SYT1: variants seen among roughly 807,000 people sequenced by gnomAD.
The protein encoded by SYT1 is synaptotagmin-1.
SYT1 carries 8 observed loss-of-function variants against 44.8 expected under a neutral mutation model. The ratio of observed to expected loss-of-function variants is 0.18; its 90% confidence interval spans 0.10 to 0.32. The LOEUF (loss-of-function observed/expected upper bound fraction) is 0.32, where lower values mean the gene tolerates loss of function less well. SYT1 is among the 10% of genes least tolerant of loss of function. SYT1 has a pLI of 1.00. For synonymous variants in SYT1, 154 were observed against 188.8 expected (o/e 0.82, Z 1.51); for missense variants, 286 against 509.3 (o/e 0.56, Z 4.22).
In SYT1 at chr12:79,292,085, G is replaced by T. The variant is rs1271564871; in HGVS notation, c.429G>T (p.Leu143=). The change falls in exon 6 of 11, where the codon CTG becomes CTT. Residue 143 remains leucine, a synonymous_variant. Coordinates refer to ENST00000261205, the MANE Select transcript of SYT1 (RefSeq NM_005639.3). ...AAGAACCCAAAGAAGAGGAGAAACTGGGAAAACTTCAGTATTCACTGGATT... is the reference window on the plus strand; with the variant it reads ...AAGAACCCAAAGAAGAGGAGAAACTTGGAAAACTTCAGTATTCACTGGATT... ...EKEEPKEEEK[L]GKLQYSLDYD... 6.2e-7 allele frequency: 1 copy of T among 1,614,026 alleles called. No homozygotes were observed. The highest frequency in any genetic ancestry group is 1.7e-5 in the Admixed American group (1 of 59,996).
At chr12:78,941,383 T>A (rs554328139) in intron 1 of SYT1, among the ~76,000 whole-genome samples, 1 of 145,802 alleles carries the variant, frequency 6.9e-6, no homozygotes, top group East Asian at 2.1e-4. Context: ...AGAACATTTC[T>A]TAATAGAATC....
intron 4 of SYT1, among the ~76,000 whole-genome samples, chr12:79,225,103 T>G (rs1875438566): frequency 6.6e-6 from 1 of 151,152 alleles, no homozygotes; most frequent in Non-Finnish European, 1.5e-5. Context: ...TTTTAAAAGA[T>G]TATTCTTGCT....
At chr12:79,061,347 C>G (rs1875369538) in intron 3 of SYT1, among the ~76,000 whole-genome samples, 1 of 152,094 alleles carries the variant, frequency 6.6e-6, no homozygotes, top group Non-Finnish European at 1.5e-5. Flanking sequence ...CTATAATACA[C>G]AGCATTATCC....
chr12:78,927,749 G>C (rs1195413811), intron 1 of SYT1, among the ~76,000 whole-genome samples: 1 of 152,132 alleles, frequency 6.6e-6, no homozygotes, highest in Admixed American at 6.6e-5. Flanking sequence ...GGCTTCCGTT[G>C]CTACAGTTGC....
chr12:79,340,264 A>G (rs1882302217), intron 8 of SYT1, among the ~76,000 whole-genome samples: 1 of 152,166 alleles, frequency 6.6e-6, no homozygotes, highest in South Asian at 2.1e-4. Flanking sequence ...CTTGGGCAGT[A>G]TGGCCATTTT....
intron 1 of SYT1, among the ~76,000 whole-genome samples, chr12:78,965,057 G>A (rs972762565): frequency 1.3e-5 from 2 of 151,670 alleles, no homozygotes; most frequent in African/African-American, 4.8e-5. Context: ...ATAAAAATAG[G>A]CCCAATCTGA....
intron 8 of SYT1, chr12:79,341,086 C>T (rs978238685): frequency 6.6e-6 from 1 of 152,186 alleles, no homozygotes; most frequent in East Asian, 1.9e-4. Context: ...TTCTTTGTAG[C>T]ATGACTGGCA....
At chr12:79,379,576 G>A (rs1205030640) in intron 9 of SYT1, among the ~76,000 whole-genome samples, 3 of 152,136 alleles carry the variant, frequency 2.0e-5, no homozygotes, top group African/African-American at 7.2e-5. Context: ...ATTTGCTTCA[G>A]ATCTTTATTT....
intron 3 of SYT1, among the ~76,000 whole-genome samples, chr12:79,156,058 A>G (rs1341854845): frequency 2.0e-5 from 3 of 152,220 alleles, no homozygotes; most frequent in African/African-American, 4.8e-5. Flanking sequence ...TTGTATATCT[A>G]TCAAGTACCG....
intron 9 of SYT1, 27 bp from the exon 10 acceptor site, chr12:79,444,046 A>G: frequency 1.2e-6 from 2 of 1,610,938 alleles, no homozygotes; most frequent in Non-Finnish European, 1.7e-6. Context: ...CTGATCTCCT[A>G]AAGTTTGTTT....
At chr12:79,259,897 C>CA (rs1168150572) in intron 4 of SYT1, among the ~76,000 whole-genome samples, 1 of 152,094 alleles carries the variant, frequency 6.6e-6, no homozygotes, top group African/African-American at 2.4e-5. Flanking sequence ...GTATGATTGG[C>CA]AAAAAGATTT....
intron 4 of SYT1, among the ~76,000 whole-genome samples, chr12:79,259,848 C>A (rs1877732102): frequency 1.3e-5 from 2 of 152,204 alleles, no homozygotes; most frequent in Non-Finnish European, 2.9e-5. Context: ...ATTATTTTTT[C>A]TATAAGTATC....
intron 1 of SYT1, among the ~76,000 whole-genome samples, chr12:78,960,865 C>G (rs1879464482): frequency 6.6e-6 from 1 of 152,086 alleles, no homozygotes; most frequent in Non-Finnish European, 1.5e-5. Context: ...GCCCAGTGGT[C>G]TGTGTTCACA....
intron 2 of SYT1, among the ~76,000 whole-genome samples, chr12:78,986,703 CATCT>C (rs1167659308): frequency 6.6e-6 from 1 of 151,788 alleles, no homozygotes; most frequent in African/African-American, 2.4e-5. Context: ...GAATATAAAT[CATCT>C]ATTTATTTGA....
chr12:78,872,254 T>G (rs1259148413), intron 1 of SYT1, among the ~76,000 whole-genome samples: 1 of 151,836 alleles, frequency 6.6e-6, no homozygotes, highest in Non-Finnish European at 1.5e-5. Context: ...TCCAACGACT[T>G]GTTTTTTTTC....
chr12:79,088,849 A>G (rs1877580012), intron 3 of SYT1, among the ~76,000 whole-genome samples: 1 of 151,756 alleles, frequency 6.6e-6, no homozygotes, highest in South Asian at 2.1e-4. Context: ...TTTACTAGGC[A>G]GAATTCACTA....
At chr12:78,886,578 A>G (rs781738504) in intron 1 of SYT1, among the ~76,000 whole-genome samples, 71 of 152,014 alleles carry the variant, frequency 4.7e-4, no homozygotes, top group Non-Finnish European at 5.1e-4. Context: ...TATGCCTGTG[A>G]TGATCTATAT....
chr12:79,360,263 A>G (rs1345535792), intron 9 of SYT1, among the ~76,000 whole-genome samples: 2 of 152,136 alleles, frequency 1.3e-5, no homozygotes, highest in Non-Finnish European at 2.9e-5. Flanking sequence ...TCCTCAAATA[A>G]GAAGTTCTAT....
At chr12:79,240,463 T>C (rs1160447141) in intron 4 of SYT1, among the ~76,000 whole-genome samples, 2 of 152,158 alleles carry the variant, frequency 1.3e-5, no homozygotes, top group Non-Finnish European at 2.9e-5. Context: ...TTCTTTAGAG[T>C]CTGAGCATTG....
Sources: gnomAD v4.1 joint callset for allele counts (sites outside exome capture counted in the v4.1 genomes callset) on GRCh38, gnomAD v4.1.1 for gene constraint, MANE v1.5 for transcripts, NCBI Gene and HGNC (gene_info 2026-07-23, HGNC 2026-07-21) for gene names.